The following COL19A1 variants were observed in gnomAD, a reference collection of about 807,000 sequenced individuals.
COL19A1 encodes collagen type XIX alpha 1 chain.
Under a neutral mutation model 190.2 loss-of-function variants are expected in COL19A1, and 159 were observed. That is an observed-to-expected ratio of 0.84 (90% CI 0.73 to 0.95). The LOEUF is 0.95. COL19A1 is among the 40% of genes least tolerant of loss of function. COL19A1 has a pLI of 0.00. For synonymous variants in COL19A1, 509 were observed against 458.9 expected (o/e 1.11, Z -1.39); for missense variants, 1,418 against 1,431.9 (o/e 0.99, Z 0.16).
chr6:70,088,740 G>A (rs1326704309), intron 15 of COL19A1, among the ~76,000 whole-genome samples: 1 of 152,034 alleles, frequency 6.6e-6, no homozygotes, highest in Admixed American at 6.6e-5. Context: ...AGCTCCTCGA[G>A]GGCAAGATCT....
chr6:70,092,633 T>A (rs1026923527), intron 15 of COL19A1, among the ~76,000 whole-genome samples: 2 of 152,188 alleles, frequency 1.3e-5, no homozygotes, highest in Non-Finnish European at 2.9e-5. Flanking sequence ...ACCTTTATAG[T>A]TCCACCTCAC....
At chr6:69,943,042 C>T (rs1773574672) in intron 9 of COL19A1, among the ~76,000 whole-genome samples, 1 of 152,050 alleles carries the variant, frequency 6.6e-6, no homozygotes, top group South Asian at 2.1e-4. Flanking sequence ...TCCCCTTTCT[C>T]CACAACTTTG....
intron 11 of COL19A1, among the ~76,000 whole-genome samples, chr6:69,988,530 C>T (rs1383340733): frequency 1.3e-5 from 2 of 152,204 alleles, no homozygotes; most frequent in African/African-American, 4.8e-5. Flanking sequence ...GAAATCACTA[C>T]TGCTTATGAA....
At chr6:69,964,217 A>G (rs776213061) in intron 11 of COL19A1, among the ~76,000 whole-genome samples, 7 of 152,212 alleles carry the variant, frequency 4.6e-5, no homozygotes, top group Admixed American at 6.5e-5. Context: ...TACAAACTAC[A>G]TGATAATTAC....
chr6:69,934,276 A>T (rs1191182376), intron 7 of COL19A1, among the ~76,000 whole-genome samples: 1 of 152,008 alleles, frequency 6.6e-6, no homozygotes, highest in Non-Finnish European at 1.5e-5. Context: ...ATCTGAAAAG[A>T]TAATTTAGAA....
intron 4 of COL19A1, among the ~76,000 whole-genome samples, chr6:69,924,224 G>C (rs1386540590): frequency 6.6e-6 from 1 of 151,994 alleles, no homozygotes; most frequent in Non-Finnish European, 1.5e-5. Context: ...TTTACATTAG[G>C]TACATCTCCT....
intron 11 of COL19A1, among the ~76,000 whole-genome samples, chr6:69,975,178 A>T (rs1775647735): frequency 6.6e-6 from 1 of 152,122 alleles, no homozygotes; most frequent in Non-Finnish European, 1.5e-5. Context: ...TCATGTAAGT[A>T]TCTCAGTTTT....
chr6:69,881,138 C>G (rs1768524628), intron 2 of COL19A1, among the ~76,000 whole-genome samples: 1 of 152,128 alleles, frequency 6.6e-6, no homozygotes, highest in African/African-American at 2.4e-5. Flanking sequence ...TTTTGCAGGT[C>G]GTACTGGGGT....
At chr6:69,945,517 A>T (rs1773739037) in intron 9 of COL19A1, among the ~76,000 whole-genome samples, 1 of 152,148 alleles carries the variant, frequency 6.6e-6, no homozygotes, top group Non-Finnish European at 1.5e-5. Flanking sequence ...CATAATTTTT[A>T]AAAATAAGGA....
At chr6:70,144,389 A>C in intron 24 of COL19A1, 126 bp downstream of exon 24, 1 of 746,844 alleles carries the variant, frequency 1.3e-6, no homozygotes. Context: ...ATTAACTACA[A>C]TGTAAATGGC....
intron 4 of COL19A1, among the ~76,000 whole-genome samples, chr6:69,922,626 G>A (rs765387437): frequency 5.9e-5 from 9 of 151,650 alleles, no homozygotes; most frequent in South Asian, 2.1e-4. Flanking sequence ...GATTACAGGC[G>A]CGTGCCACCA....
intron 1 of COL19A1, among the ~76,000 whole-genome samples, chr6:69,868,233 C>T (rs2149927014): frequency 6.6e-6 from 1 of 151,402 alleles, no homozygotes; most frequent in East Asian, 1.9e-4. Context: ...AGCCCCTGCT[C>T]GTATGTGGGG....
chr6:69,921,356 A>ATATAT (rs1248844320), intron 4 of COL19A1, among the ~76,000 whole-genome samples: 3 of 90,384 alleles, frequency 3.3e-5, no homozygotes, highest in African/African-American at 5.3e-5. Flanking sequence ...CATATATCAT[A>ATATAT]ATCATATATA....
chr6:70,123,401 G>A (rs971339301), intron 17 of COL19A1, among the ~76,000 whole-genome samples: 9 of 151,918 alleles, frequency 5.9e-5, no homozygotes, highest in South Asian at 4.2e-4. Flanking sequence ...TCAGTGTGGC[G>A]ATTCCTCAGG....
At chr6:70,053,317 C>A (rs938840416) in intron 14 of COL19A1, among the ~76,000 whole-genome samples, 18 of 152,072 alleles carry the variant, frequency 1.2e-4, no homozygotes, top group Non-Finnish European at 2.6e-4. Context: ...TATTAAAACA[C>A]CAATTGTAAT....
chr6:69,997,957 A>C (rs1307482595), intron 11 of COL19A1, among the ~76,000 whole-genome samples: 5 of 152,186 alleles, frequency 3.3e-5, no homozygotes, highest in Admixed American at 1.3e-4. Flanking sequence ...GCCAAAAAAA[A>C]CAGTAAATTT....
In COL19A1 at chr6:70,023,676, A is replaced by G; in HGVS notation, c.1076A>G (p.Glu359Gly). 6.2e-7 allele frequency: 1 copy of G among 1,610,346 alleles called. No individual in the cohort carries two copies. Among genetic ancestry groups the G allele is most frequent in the Non-Finnish European group, 8.5e-7 (1 of 1,178,762 alleles). ...CCAGCTCTGGCTGGCCTTAATGGAG[A>G]AAATGTAAGCCTAACTCTTTTTTCT... is the stretch of plus-strand genomic sequence containing the variant. The part of the protein sequence containing the change: ...GDPALAGLNG[E>G]NGLKGDLGPH... Residue 359 changes from glutamate (E) to glycine (G), a missense_variant, in exon 12 of 51, where the codon GAA becomes GGA. Glu to Gly is a moderately conservative substitution (Grantham distance 98). Coordinates refer to ENST00000620364, the MANE Select transcript of COL19A1 (RefSeq NM_001858.6).
At chr6:70,126,696 A>G in intron 17 of COL19A1, among the ~76,000 whole-genome samples, 1 of 152,194 alleles carries the variant, frequency 6.6e-6, no homozygotes. Context: ...AAATATCACA[A>G]ACTGAGTGGC....
Position 70,144,232 on chromosome 6 carries a change from T to C in COL19A1, c.1649T>C (p.Ile550Thr), listed in dbSNP as rs775131587. Residue 550 changes from isoleucine (I) to threonine (T), a missense_variant, in exon 24 of 51, where the codon ATC becomes ACC. Physicochemically the swap from Ile to Thr is moderately conservative, Grantham distance 89. Transcript: ENST00000620364. ...GDVGLPGEHG[I>T]PGKQGIKGEK... ...TAGGGATTGCCAGGAGAACATGGTA[T>C]CCCAGGAAAACAAGGCATTAAAGGA... 2 of 1,612,442 alleles carry C rather than the reference T, an allele frequency of 1.2e-6. No homozygotes were observed. Among genetic ancestry groups the C allele is most frequent in the East Asian group, 4.5e-5 (2 of 44,830 alleles).
Sources: allele counts gnomAD v4.1 joint callset (sites outside exome capture counted in the v4.1 genomes callset), GRCh38; gene constraint gnomAD v4.1.1; transcripts MANE v1.5; gene names NCBI Gene and HGNC (gene_info 2026-07-23, HGNC 2026-07-21).